Variants in PLEKHA6 observed in about 807,000 individuals in gnomAD.
PLEKHA6 encodes pleckstrin homology domain containing A6, also known as pleckstrin homology domain-containing family A member 6.
In PLEKHA6, 60 loss-of-function variants were observed where a neutral mutation model predicts 116.7. The observed-to-expected ratio is 0.51, with a 90% CI of 0.42 to 0.64. The LOEUF is 0.64. Among genes scored for constraint, PLEKHA6 ranks in the 30% least tolerant of loss-of-function variants. PLEKHA6 has a pLI of 0.00. For missense variants in PLEKHA6, 1,338 were observed against 1,422.7 expected (o/e 0.94, Z 0.96); for synonymous variants, 489 against 556.1 (o/e 0.88, Z 1.70).
At chr1:204,305,767 T>A (rs1671239342) in intron 1 of PLEKHA6, among the ~76,000 whole-genome samples, 1 of 150,612 alleles carries the variant, frequency 6.6e-6, no homozygotes, top group African/African-American at 2.4e-5. Context: ...AAATGTTTAA[T>A]GCCCATAGTT....
chr1:204,235,256 TAG>T (rs774023720), intron 17 of PLEKHA6, among the ~76,000 whole-genome samples: 95 of 152,062 alleles, frequency 6.2e-4, no homozygotes, highest in Admixed American at 1.3e-3. Flanking sequence ...ATGAACTGTT[TAG>T]AGAGTTATGC....
At chr1:204,282,710 G>T (rs1668754549) in intron 1 of PLEKHA6, 1 of 985,208 alleles carries the variant, frequency 1.0e-6, no homozygotes, top group African/African-American at 1.7e-5. Context: ...TGGGCAGGCT[G>T]GGAGACACTT....
intron 1 of PLEKHA6, among the ~76,000 whole-genome samples, chr1:204,330,836 G>A (rs1347468569): frequency 3.9e-5 from 6 of 152,074 alleles, no homozygotes; most frequent in East Asian, 1.9e-4. Flanking sequence ...GCTCAGAGCC[G>A]AAAACAAACA....
At chr1:204,263,157 G>A (rs1457541515) in intron 6 of PLEKHA6, among the ~76,000 whole-genome samples, 3 of 152,216 alleles carry the variant, frequency 2.0e-5, no homozygotes, top group Non-Finnish European at 4.4e-5. Flanking sequence ...CAAGGAGAGA[G>A]CAGAGGCACA....
At chr1:204,333,277 G>C (rs1672525995) in intron 1 of PLEKHA6, among the ~76,000 whole-genome samples, 1 of 152,182 alleles carries the variant, frequency 6.6e-6, no homozygotes, top group Non-Finnish European at 1.5e-5. Flanking sequence ...TTACCCTCCA[G>C]GGCTTTGCCC....
chr1:204,291,189 C>A (rs1284586087), intron 1 of PLEKHA6, among the ~76,000 whole-genome samples: 1 of 152,082 alleles, frequency 6.6e-6, no homozygotes, highest in East Asian at 1.9e-4. Flanking sequence ...CATCATTAGC[C>A]ATTAGAGAAA....
intron 1 of PLEKHA6, among the ~76,000 whole-genome samples, chr1:204,355,064 T>G (rs1673378065): frequency 1.3e-5 from 2 of 152,168 alleles, no homozygotes; most frequent in African/African-American, 4.8e-5. Context: ...ATGTGGGGGC[T>G]CCAGGAAAGC....
chr1:204,285,623 G>A (rs574775335), intron 1 of PLEKHA6, among the ~76,000 whole-genome samples: 14 of 152,074 alleles, frequency 9.2e-5, no homozygotes, highest in Non-Finnish European at 1.8e-4. Flanking sequence ...CGTCAGGCAC[G>A]GGCCACCACG....
At chr1:204,239,068 C>A (rs1010586112) in intron 17 of PLEKHA6, among the ~76,000 whole-genome samples, 2 of 152,192 alleles carry the variant, frequency 1.3e-5, no homozygotes, top group African/African-American at 4.8e-5. Context: ...TGGTCAAAAA[C>A]CATGAAGATA....
intron 9 of PLEKHA6, among the ~76,000 whole-genome samples, chr1:204,251,250 C>T (rs576608671): frequency 2.0e-5 from 3 of 152,298 alleles, no homozygotes; most frequent in South Asian, 2.1e-4. Flanking sequence ...AATATGAAAT[C>T]GAAATCAGAA....
intron 21 of PLEKHA6, among the ~76,000 whole-genome samples, chr1:204,227,601 C>T (rs940120618): frequency 6.6e-6 from 1 of 152,218 alleles, no homozygotes; most frequent in African/African-American, 2.4e-5. Flanking sequence ...GTGGTAATTG[C>T]ATCGCTCTCA....
At chr1:204,323,525 C>T (rs536641500) in intron 1 of PLEKHA6, among the ~76,000 whole-genome samples, 38 of 152,228 alleles carry the variant, frequency 2.5e-4, no homozygotes, top group Non-Finnish European at 2.1e-4. Flanking sequence ...GTGATGACTT[C>T]TCAACTGCTG....
In PLEKHA6 at chr1:204,257,165, A is replaced by G. The variant is rs1665420092; in HGVS notation, c.1524+188T>C. Reference sequence around the variant, plus strand: ...CACTCAAGAGGCAAAGCCATCCCCAAGACAGCTCTCCTACAGACAGAACCA... The same window carrying G: ...CACTCAAGAGGCAAAGCCATCCCCAGGACAGCTCTCCTACAGACAGAACCA... On this transcript the variant is annotated intron_variant, in intron 9 of 22. Coordinates refer to ENST00000272203, the MANE Select transcript of PLEKHA6 (RefSeq NM_014935.5). The surrounding 1 kb of genome is among the most constrained non-coding windows in gnomAD (Gnocchi z 6.5). Among the ~76,000 whole-genome samples the G allele has an allele frequency of 6.6e-6, 1 of 152,234 alleles. No individual in the cohort carries two copies.
chr1:204,231,687 C>G (rs1290345913), intron 17 of PLEKHA6, among the ~76,000 whole-genome samples: 3 of 151,638 alleles, frequency 2.0e-5, no homozygotes, highest in Non-Finnish European at 4.4e-5. Context: ...CCTGCATCAG[C>G]CTTCCAAGTA....
intron 1 of PLEKHA6, among the ~76,000 whole-genome samples, chr1:204,317,605 G>T (rs1018797359): frequency 6.6e-5 from 10 of 152,196 alleles, no homozygotes; most frequent in African/African-American, 2.4e-4. Flanking sequence ...TTCCTCAGAA[G>T]TTTTCCTCTA....
At chr1:204,325,557 T>G (rs977831585) in intron 1 of PLEKHA6, among the ~76,000 whole-genome samples, 24 of 152,216 alleles carry the variant, frequency 1.6e-4, no homozygotes, top group African/African-American at 5.8e-4. Context: ...GGAGCCCGAA[T>G]GCCCAGCTGC....
At chr1:204,331,711 A>T (rs1194359940) in intron 1 of PLEKHA6, among the ~76,000 whole-genome samples, 1 of 152,216 alleles carries the variant, frequency 6.6e-6, no homozygotes, top group Non-Finnish European at 1.5e-5. Flanking sequence ...AGAGAAAAAG[A>T]GAAAGGAAAA....
Position 204,249,248 on chromosome 1 carries a change from A to T in PLEKHA6, c.1610T>A (p.Leu537Ter). The T allele has an allele frequency of 1.2e-6, 2 of 1,613,374 alleles. No individual in the cohort carries two copies. Among genetic ancestry groups the T allele is most frequent in the Non-Finnish European group, 1.7e-6 (2 of 1,179,354 alleles). The change falls in exon 11 of 23, where the codon TTG becomes TAG. Residue 537 changes from leucine (L) to a stop codon, truncating the protein, a stop_gained. Coordinates refer to ENST00000272203, the MANE Select transcript of PLEKHA6 (RefSeq NM_014935.5). LOFTEE classifies it high-confidence loss of function. Reference sequence around the variant, plus strand: ...CCTCACCACCTTGTTCTGCTCACACAATTTTCCCAGCAGCTTCTAGGGACC... The same window carrying T: ...CCTCACCACCTTGTTCTGCTCACACTATTTTCCCAGCAGCTTCTAGGGACC... ...EQDTDKLLGK[L>*]CEQNKVVREQ...
intron 5 of PLEKHA6, 76 bp from the exon 6 acceptor site, chr1:204,265,118 G>T: frequency 1.0e-6 from 1 of 984,738 alleles, no homozygotes; most frequent in Non-Finnish European, 1.6e-6. Context: ...GTGGGGAGGA[G>T]TGTGTTGTCC....
Sources: allele counts gnomAD v4.1 joint callset (sites outside exome capture counted in the v4.1 genomes callset), GRCh38; gene constraint gnomAD v4.1.1; non-coding constraint Gnocchi (gnomAD v3.1); transcripts MANE v1.5; gene names NCBI Gene and HGNC (gene_info 2026-07-23, HGNC 2026-07-21).